The following CLCN2 variants were observed in gnomAD, a reference collection of about 807,000 sequenced individuals.
CLCN2 encodes the protein chloride channel protein 2.
Under a neutral mutation model 108.3 loss-of-function variants are expected in CLCN2, and 72 were observed. That is an observed-to-expected ratio of 0.66 (90% confidence interval 0.55 to 0.81). The LOEUF (loss-of-function observed/expected upper bound fraction) is 0.81. Ranked by LOEUF, CLCN2 falls within the 30% of genes least tolerant of loss-of-function variation. The pLI is 0.00. For missense variants in CLCN2, 1,048 were observed against 1,205.2 expected, an observed-to-expected ratio of 0.87 and a Z score of 1.93; for synonymous variants, 471 against 467.1, an observed-to-expected ratio of 1.01 and a Z score of -0.11.
At chr3:184,360,323 G>A (rs1177017781) in intron 1 of CLCN2, among the ~76,000 whole-genome samples, 1 of 152,044 alleles carries the variant, frequency 6.6e-6, no homozygotes, top group Non-Finnish European at 1.5e-5. Flanking sequence ...AGAGACAGCT[G>A]GAAGGGACGG....
intron 22 of CLCN2, among the ~76,000 whole-genome samples, chr3:184,351,332 G>GC: frequency 6.6e-6 from 1 of 152,194 alleles, no homozygotes; most frequent in Admixed American, 6.5e-5. Context: ...AATGCAGGCT[G>GC]CCCCCCTTAG....
At chr3:184,347,318 A>G in intron 22 of CLCN2, 1 of 454,442 alleles carries the variant, frequency 2.2e-6, no homozygotes, top group Admixed American at 3.4e-5. Context: ...GTGGGACAGA[A>G]CAACTGTTCA....
In CLCN2 at chr3:184,352,757, G is replaced by T. The variant is rs200095202; in HGVS notation, c.2197C>A (p.Pro733Thr). 1 of 1,613,076 alleles carries T rather than the reference G, an allele frequency of 6.2e-7. No individual in the cohort carries two copies. Among genetic ancestry groups the T allele is most frequent in the Non-Finnish European group, 8.5e-7 (1 of 1,180,002 alleles). The change falls in exon 19 of 24, where the codon CCC becomes ACC. Residue 733 changes from proline to threonine, a missense_variant. Coordinates refer to ENST00000265593, the MANE Select transcript of CLCN2 (RefSeq NM_004366.6). ...ALRSLFCGSPPPEAASEKLES... is the reference protein window; with the variant it reads ...ALRSLFCGSPTPEAASEKLES... ...CTCACCTCCGAAGCAGCCTCAGGGG[G>T]TGGACTGCCACAGAAGAGGCTCCGG...
At position 184,358,805 on chromosome 3, in the gene CLCN2, C is replaced by T. The variant is rs1246315600; in HGVS notation, c.229G>A (p.Val77Ile). 1 of 1,613,864 alleles carries T rather than the reference C, an allele frequency of 6.2e-7. No individual in the cohort carries two copies. Among genetic ancestry groups the T allele is most frequent in the Non-Finnish European group, 8.5e-7 (1 of 1,179,900 alleles). ...GATACTAGGAACTTGTGGCAGCGGACAGAACAGACTGGGTGCAGGGAAGGG... is the reference window on the plus strand; with the variant it reads ...GATACTAGGAACTTGTGGCAGCGGATAGAACAGACTGGGTGCAGGGAAGGG... ...SRCARCRVCS[V>I]RCHKFLVSRV... The change falls in exon 3 of 24, where the codon GTC becomes ATC. Residue 77 changes from valine (V) to isoleucine (I), a missense_variant. Coordinates refer to ENST00000265593, the MANE Select transcript of CLCN2 (RefSeq NM_004366.6).
chr3:184,346,394 T>C lies in CLCN2; in HGVS notation c.*212A>G. ...CCATCCTGCCAGGGCAGGGCCTATC[T>C]TCCTGCCTCTGGAAGACTTGTTGCA... On this transcript the variant is annotated 3_prime_UTR_variant, in exon 24 of 24. Transcript: ENST00000265593. This position sits in a 1 kb window ranked among gnomAD's most constrained non-coding sequence, Gnocchi z 6.0. 3 of 631,300 alleles carry C rather than the reference T, an allele frequency of 4.8e-6. No individual in the cohort carries two copies. The highest frequency in any genetic ancestry group is 2.8e-5 in the East Asian group (1 of 35,800). 39.1% of individuals were successfully genotyped at this position (631,300 alleles called of 1,614,324 possible).
At chr3:184,353,917 A>T (rs1301322700) in intron 15 of CLCN2, 122 bp from the exon 16 acceptor site, 1 of 1,477,734 alleles carries the variant, frequency 6.8e-7, no homozygotes, top group Non-Finnish European at 9.2e-7. Context: ...GCTAAGGACC[A>T]AGGGGTGCTC....
At chr3:184,356,155 C>T in intron 10 of CLCN2, 1 of 332,660 alleles carries the variant, frequency 3.0e-6, no homozygotes, top group South Asian at 2.6e-5. Flanking sequence ...TGTCTCTCTG[C>T]AGTGACTTAG....
chr3:184,346,845 T>A lies in CLCN2; in HGVS notation c.2503-45A>T. 1 of 1,612,900 alleles carries A rather than the reference T, an allele frequency of 6.2e-7. No homozygotes were observed. The highest frequency in any genetic ancestry group is 8.5e-7 in the Non-Finnish European group (1 of 1,178,926). The stretch of plus-strand genomic sequence containing the variant: ...AGATGTCTGGACCCAGATGTCAGAC[T>A]CCTCCCCGCCTTCCTCCCCAGGTGA... On this transcript the variant is annotated intron_variant, in intron 23 of 23. Coordinates refer to ENST00000265593, the MANE Select transcript of CLCN2 (RefSeq NM_004366.6). This position sits in a 1 kb window ranked among gnomAD's most constrained non-coding sequence, Gnocchi z 6.0.
At chr3:184,349,616 T>C (rs56296882) in intron 22 of CLCN2, 37,774 of 152,098 alleles carry the variant, frequency 0.25, 4,990 homozygotes, top group Middle Eastern at 0.38. Flanking sequence ...GTAGTAGGAG[T>C]AGTAACAGTA....
chr3:184,356,783 T>G (rs1728585293), intron 10 of CLCN2: 1 of 588,116 alleles, frequency 1.7e-6, no homozygotes, highest in Non-Finnish European at 3.1e-6. Context: ...CCAAATGTCC[T>G]CTACCGCTGA....
At chr3:184,352,710 C>G (rs1274474249) in intron 19 of CLCN2, 27 bp downstream of exon 19, 1 of 1,611,586 alleles carries the variant, frequency 6.2e-7, no homozygotes, top group Non-Finnish European at 8.5e-7. Flanking sequence ...AAAAAGCAAG[C>G]TAGGAGGACA....
Position 184,353,307 on chromosome 3 carries a change from G to A in CLCN2, c.1971C>T (p.Thr657=), listed in dbSNP as rs1577312490. 1.9e-6 allele frequency: 3 copies of A among 1,613,692 alleles called. No homozygotes were observed. The highest frequency in any genetic ancestry group is 2.5e-6 in the Non-Finnish European group (3 of 1,179,998). Residue 657 remains threonine (T), a synonymous_variant, in exon 17 of 24, where the codon ACC becomes ACT. Coordinates refer to ENST00000265593, the MANE Select transcript of CLCN2 (RefSeq NM_004366.6). ...QHMQERRATQ[T]SPLSDQEGPP... is the part of the protein sequence containing the mutation. The stretch of plus-strand genomic sequence containing the variant: ...GACCCTCCTGATCAGATAGTGGAGA[G>A]GTCTGGGTGGCTCTGCGCTCCTGCA...
intron 22 of CLCN2, among the ~76,000 whole-genome samples, chr3:184,349,794 A>G (rs1483930423): frequency 6.6e-6 from 1 of 152,222 alleles, no homozygotes; most frequent in East Asian, 1.9e-4. Flanking sequence ...GTACACAGCA[A>G]GCCAGCATGT....
At chr3:184,356,713 C>A in intron 10 of CLCN2, 1 of 477,664 alleles carries the variant, frequency 2.1e-6, no homozygotes, top group Non-Finnish European at 3.8e-6. Context: ...AAACACTCTC[C>A]AGGGAGCATT....
In CLCN2 at chr3:184,354,571, A is replaced by G; in HGVS notation, c.1484T>C (p.Val495Ala). ...IHTDSSTYRIVPGGYAVVGAA... is the reference protein window; with the variant it reads ...IHTDSSTYRIAPGGYAVVGAA... ...ACCGACCACAGCGTAGCCCCCAGGC[A>G]CAATCCGGTAGGTGCTGCTGTCCGT... The change falls in exon 14 of 24, where the codon GTG (valine) becomes GCG (alanine). Residue 495 changes from valine to alanine, a missense_variant. Val to Ala is a moderately conservative substitution (Grantham distance 64). Coordinates refer to ENST00000265593, the MANE Select transcript of CLCN2 (RefSeq NM_004366.6). 1 of 1,612,890 alleles carries G rather than the reference A, an allele frequency of 6.2e-7. No individual in the cohort carries two copies. The highest frequency in any genetic ancestry group is 8.5e-7 in the Non-Finnish European group (1 of 1,179,864).
At chr3:184,351,952 C>A (rs1271432683) in intron 22 of CLCN2, 61 bp downstream of exon 22, 75 of 1,246,000 alleles carry the variant, frequency 6.0e-5, no homozygotes, top group Non-Finnish European at 8.4e-5. Flanking sequence ...TGTAGGGGGA[C>A]CAAGATCCCC....
At position 184,354,647 on chromosome 3, in the gene CLCN2, C is replaced by T. The variant is rs759139694; in HGVS notation, c.1408G>A (p.Gly470Arg). Residue 470 changes from glycine to arginine, a missense_variant, in exon 14 of 24, where the codon GGG becomes AGG. Physicochemically the swap from Gly to Arg is moderately radical, Grantham distance 125. Coordinates refer to ENST00000265593, the MANE Select transcript of CLCN2 (RefSeq NM_004366.6). ...GCCATGCTTTCACCCACCAGACGCC[C>T]AAATGCTGCTCCTTCAGGGAGGGGG... ...MPVFVIGAAF[G>R]RLVGESMAAW... 6.2e-7 allele frequency: 1 copy of T among 1,606,330 alleles called. No individual in the cohort carries two copies.
chr3:184,346,616 T>G lies in CLCN2; in HGVS notation c.2687A>C (p.Lys896Thr), dbSNP rs1337373545. The change falls in exon 24 of 24, where the codon AAA becomes ACA. Residue 896 changes from lysine to threonine, a missense_variant. Physicochemically the swap from Lys to Thr is moderately conservative, Grantham distance 78. Transcript: ENST00000265593. The surrounding 1 kb of genome is among the most constrained non-coding windows in gnomAD (Gnocchi z 6.0). ...CCACCCACGAGGGGCTCATTGGCAT[T>G]TGTCGTCGCTGTCGGAAGGGCTGCC... The part of the protein sequence containing the change: ...REGSPSDSDD[K>T]CQ The G allele has an allele frequency of 1.9e-6, 3 of 1,613,976 alleles. No homozygotes were observed. The South Asian group carries it at 3.3e-5, about 18-fold the overall frequency.
At position 184,357,711 on chromosome 3, in the gene CLCN2, G is replaced by A; in HGVS notation, c.694-13C>T. On this transcript the variant is annotated splice_polypyrimidine_tract_variant and intron_variant, in intron 6 of 23. Transcript: ENST00000265593. ...TCCGGGATTCATTCTGGCGAGAGTG[G>A]TGGCAAGAGGGGGTCAGCTGTGGGC... is the stretch of plus-strand genomic sequence containing the variant. 1.2e-6 allele frequency: 2 copies of A among 1,614,082 alleles called. No homozygotes were observed. Among genetic ancestry groups the A allele is most frequent in the Non-Finnish European group, 1.7e-6 (2 of 1,180,030 alleles).
Sources: allele counts gnomAD v4.1 joint callset (sites outside exome capture counted in the v4.1 genomes callset), GRCh38; gene constraint gnomAD v4.1.1; non-coding constraint Gnocchi (gnomAD v3.1); transcripts MANE v1.5; gene names NCBI Gene and HGNC (gene_info 2026-07-23, HGNC 2026-07-21).